The following CSGALNACT1 variants were observed in gnomAD, a reference collection of about 807,000 sequenced individuals.
The protein encoded by CSGALNACT1 is beta4GalNAcT-1.
CSGALNACT1 carries 52 observed loss-of-function variants against 51.0 expected under a neutral mutation model. That is an observed-to-expected ratio of 1.02 (90% CI 0.82 to 1.29). The LOEUF (loss-of-function observed/expected upper bound fraction) is 1.29. Ranked by LOEUF, CSGALNACT1 falls within the 50% of genes most tolerant of loss-of-function variation. The probability of loss-of-function intolerance (pLI) is 0.00; values close to 1 mark genes in which losing one functional copy is unlikely to be tolerated. For missense variants in CSGALNACT1, 935 were observed against 679.2 expected (o/e 1.38, Z -4.19); for synonymous variants, 341 against 254.4 (o/e 1.34, Z -3.24).
At chr8:19,472,362 TG>T (rs1304312767) in intron 4 of CSGALNACT1, among the ~76,000 whole-genome samples, 2 of 152,342 alleles carry the variant, frequency 1.3e-5, no homozygotes, top group Non-Finnish European at 2.9e-5. Flanking sequence ...ACCAAGCTAT[TG>T]TCTTTGGCCA....
Position 19,679,465 on chromosome 8 carries a change from AAAAAT to A in CSGALNACT1, c.-544+3003_-544+3007del, listed in dbSNP as rs933894542. Among the ~76,000 whole-genome samples, 19 of 152,172 alleles carry A rather than the reference AAAAAT, an allele frequency of 1.2e-4. 1 individual carries two copies. Among genetic ancestry groups the A allele is most frequent in the African/African-American group, 4.1e-4 (17 of 41,434 alleles). ...GAGGGAGATCCTGCCTCAAAAAATAAAAAATAAAATAAAATAAAACACAAAGGGAA... is the reference window on the plus strand; with the variant it reads ...GAGGGAGATCCTGCCTCAAAAAATAAAAAATAAAATAAAACACAAAGGGAA... On this transcript the variant is annotated intron_variant, in intron 1 of 9. Coordinates refer to the CSGALNACT1 transcript ENST00000332246.
chr8:19,733,521 A>G (rs532885115), intron 1 of CSGALNACT1, among the ~76,000 whole-genome samples: 1 of 152,044 alleles, frequency 6.6e-6, no homozygotes, highest in East Asian at 1.9e-4. Context: ...GCTGTGTGAC[A>G]TATGAAGTTT....
At chr8:19,613,013 A>G (rs928002124) in intron 1 of CSGALNACT1, among the ~76,000 whole-genome samples, 58 of 146,872 alleles carry the variant, frequency 3.9e-4, no homozygotes, top group Non-Finnish European at 7.3e-4. Flanking sequence ...TATCTTTAAG[A>G]ACAACTTGTC....
intron 1 of CSGALNACT1, among the ~76,000 whole-genome samples, chr8:19,634,968 G>A (rs1310862045): frequency 1.3e-5 from 2 of 152,238 alleles, no homozygotes. Flanking sequence ...GACACCATCT[G>A]AGTCAGGACT....
intron 3 of CSGALNACT1, among the ~76,000 whole-genome samples, chr8:19,583,169 C>T (rs973225556): frequency 6.6e-6 from 1 of 151,810 alleles, no homozygotes; most frequent in African/African-American, 2.4e-5. Context: ...TAAACCAATA[C>T]CTTTTTTTAA....
In CSGALNACT1 at chr8:19,636,389, G is replaced by C. The variant is rs555137254; in HGVS notation, c.-543-34524C>G. On this transcript the variant is annotated intron_variant, in intron 1 of 9. Coordinates refer to the CSGALNACT1 transcript ENST00000332246. ...ATCTGTGGCTTCAGGCATCCAATGA[G>C]AATCTGGGAGCATATCCCTTGTGTT... 2.6e-5 allele frequency among the ~76,000 whole-genome samples: 4 copies of C among 152,208 alleles called. No individual in the cohort carries two copies. The South Asian group carries it at 8.3e-4, about 32-fold the overall frequency.
At chr8:19,529,876 T>C (rs1030751721) in intron 3 of CSGALNACT1, among the ~76,000 whole-genome samples, 2 of 152,222 alleles carry the variant, frequency 1.3e-5, no homozygotes, top group African/African-American at 2.4e-5. Context: ...TAAATAGCTA[T>C]TGTACTATTA....
intron 1 of CSGALNACT1, among the ~76,000 whole-genome samples, chr8:19,675,597 A>G (rs560765644): frequency 3.8e-4 from 58 of 152,022 alleles, no homozygotes; most frequent in African/African-American, 1.4e-3. Context: ...AGTTCAAGTG[A>G]TTCTCCTGCC....
At chr8:19,577,001 C>T (rs998142790) in intron 3 of CSGALNACT1, among the ~76,000 whole-genome samples, 1 of 152,146 alleles carries the variant, frequency 6.6e-6, no homozygotes, top group African/African-American at 2.4e-5. Context: ...AACCCTCTCG[C>T]CCTCCACACC....
intron 3 of CSGALNACT1, among the ~76,000 whole-genome samples, chr8:19,506,519 T>G (rs1428347118): frequency 6.6e-6 from 1 of 152,218 alleles, no homozygotes; most frequent in East Asian, 1.9e-4. Flanking sequence ...AGCGGACTAC[T>G]TGGCCGGAGA....
At chr8:19,464,792 G>C (rs1217973851) in intron 4 of CSGALNACT1, among the ~76,000 whole-genome samples, 1 of 152,098 alleles carries the variant, frequency 6.6e-6, no homozygotes, top group Non-Finnish European at 1.5e-5. Context: ...CCTTGTTGTG[G>C]AATTGTCTTC....
chr8:19,616,057 C>T (rs1424254739), intron 1 of CSGALNACT1, among the ~76,000 whole-genome samples: 6 of 152,026 alleles, frequency 3.9e-5, no homozygotes, highest in Admixed American at 3.9e-4. Context: ...GAATAAAATG[C>T]ACCCATTTAA....
At chr8:19,563,247 G>T (rs576249502) in intron 3 of CSGALNACT1, among the ~76,000 whole-genome samples, 36 of 152,232 alleles carry the variant, frequency 2.4e-4, no homozygotes, top group African/African-American at 8.7e-4. Flanking sequence ...TGGACACAGG[G>T]AGGGGAACGA....
chr8:19,506,184 T>A (rs2077295417), intron 3 of CSGALNACT1, 54 bp from the exon 3 acceptor site: 1 of 495,252 alleles, frequency 2.0e-6, no homozygotes, highest in African/African-American at 1.9e-5. Flanking sequence ...GACTCCCTCA[T>A]GTTCCCTACG....
chr8:19,458,567 T>G (rs775199529), exon 5 of CSGALNACT1: 8 of 1,614,056 alleles, frequency 5.0e-6, no homozygotes, highest in Middle Eastern at 1.6e-4. Flanking sequence ...GATGAGCCGT[T>G]TGAATTCGTG....
intron 3 of CSGALNACT1, among the ~76,000 whole-genome samples, chr8:19,582,794 C>T (rs917268216): frequency 6.6e-6 from 1 of 152,110 alleles, no homozygotes; most frequent in Non-Finnish European, 1.5e-5. Flanking sequence ...TCAGTAGCCC[C>T]TGTGTATGTA....
At chr8:19,745,514 T>G (rs1277538317) in intron 1 of CSGALNACT1, among the ~76,000 whole-genome samples, 1 of 152,234 alleles carries the variant, frequency 6.6e-6, no homozygotes, top group African/African-American at 2.4e-5. Flanking sequence ...GATCATAGAT[T>G]TGAAGTACAG....
chr8:19,590,115 G>A (rs925370880), intron 3 of CSGALNACT1, among the ~76,000 whole-genome samples: 1 of 152,144 alleles, frequency 6.6e-6, no homozygotes, highest in Non-Finnish European at 1.5e-5. Context: ...GTTTGGTGAC[G>A]TTGTCATCTC....
intron 3 of CSGALNACT1, among the ~76,000 whole-genome samples, chr8:19,536,272 AG>A (rs1197924104): frequency 6.6e-6 from 1 of 152,178 alleles, no homozygotes; most frequent in Non-Finnish European, 1.5e-5. Flanking sequence ...ACATGCGTAA[AG>A]GCAAGGGGTA....
Sources: gnomAD v4.1 joint callset for allele counts (sites outside exome capture counted in the v4.1 genomes callset) on GRCh38, gnomAD v4.1.1 for gene constraint, MANE v1.5 for transcripts, NCBI Gene and HGNC (gene_info 2026-07-23, HGNC 2026-07-21) for gene names.